Variants in PRKG1 observed in about 807,000 individuals in gnomAD.
The protein encoded by PRKG1 is cGMP-dependent protein kinase 1.
A neutral mutation model predicts 88.1 loss-of-function variants in PRKG1; 35 were observed. That is an observed-to-expected ratio of 0.40 (90% CI 0.30 to 0.53). The LOEUF (loss-of-function observed/expected upper bound fraction) is 0.53, where lower values mean the gene tolerates loss of function less well. Ranked by LOEUF, PRKG1 falls within the 20% of genes least tolerant of loss-of-function variation. The pLI, the probability that PRKG1 is intolerant of heterozygous loss-of-function variation, is 0.59. For missense variants in PRKG1, 540 were observed against 839.8 expected (o/e 0.64, Z 4.41); for synonymous variants, 303 against 292.5 (o/e 1.04, Z -0.37).
intron 2 of PRKG1, among the ~76,000 whole-genome samples, chr10:51,389,035 T>G (rs1006739105): frequency 2.0e-5 from 3 of 152,210 alleles, no homozygotes; most frequent in African/African-American, 7.2e-5. Context: ...AGGTAATGCT[T>G]CAGGGATGCA....
intron 2 of PRKG1, among the ~76,000 whole-genome samples, chr10:51,195,107 G>A (rs938330004): frequency 6.6e-5 from 10 of 152,230 alleles, no homozygotes; most frequent in African/African-American, 2.4e-4. Context: ...AGCCTTCAGT[G>A]AAGCTTTAGA....
At chr10:51,257,450 T>A (rs943807097) in intron 2 of PRKG1, among the ~76,000 whole-genome samples, 2 of 152,188 alleles carry the variant, frequency 1.3e-5, no homozygotes, top group Non-Finnish European at 2.9e-5. Context: ...CAGAATACTT[T>A]GGGTTGGAAG....
In PRKG1 at chr10:51,153,168, A is replaced by G; in HGVS notation, c.316A>G (p.Lys106Glu). 2 of 1,611,258 alleles carry G rather than the reference A, an allele frequency of 1.2e-6. No individual in the cohort carries two copies. The highest frequency in any genetic ancestry group is 1.7e-6 in the Non-Finnish European group (2 of 1,178,222). Residue 106 changes from lysine to glutamate, a missense_variant, in exon 2 of 18, where the codon AAG becomes GAG. Lys to Glu is a moderately conservative substitution (Grantham distance 56). Around this residue, in one of 5 missense-constraint regions of PRKG1, gnomAD observed 400 missense variants for 562.7 expected, o/e 0.71. Coordinates refer to ENST00000373980, the MANE Select transcript of PRKG1 (RefSeq NM_006258.4). ...LPFYPKSPQS[K>E]DLIKEAILDN... ...ATCTTCCCTCTCTTGCCATAGGTCC[A>G]AGGATCTTATAAAGGAAGCTATCCT...
At chr10:52,280,592 CAG>C (rs2132447103) in intron 12 of PRKG1, among the ~76,000 whole-genome samples, 195 bp from the exon 13 acceptor site, 1 of 152,100 alleles carries the variant, frequency 6.6e-6, no homozygotes, top group East Asian at 1.9e-4. Flanking sequence ...TTCATAAAGA[CAG>C]AGAATTCCTT....
chr10:52,073,458 T>C (rs1410270585), intron 7 of PRKG1, among the ~76,000 whole-genome samples: 1 of 152,232 alleles, frequency 6.6e-6, no homozygotes, highest in African/African-American at 2.4e-5. Flanking sequence ...CGCAGTCTCA[T>C]GATCAGCTAC....
At chr10:51,845,759 C>CT (rs2132789615) in intron 4 of PRKG1, among the ~76,000 whole-genome samples, 1 of 152,024 alleles carries the variant, frequency 6.6e-6, no homozygotes, top group South Asian at 2.1e-4. Flanking sequence ...TGTAAACTAG[C>CT]TTTTTTTGGC....
chr10:52,144,082 A>G (rs1428387185), intron 8 of PRKG1, among the ~76,000 whole-genome samples: 1 of 152,162 alleles, frequency 6.6e-6, no homozygotes, highest in South Asian at 2.1e-4. Flanking sequence ...CATGAGAGCC[A>G]AGTTGTTAAG....
At chr10:51,028,510 A>AAAC (rs1843239162) in intron 1 of PRKG1, among the ~76,000 whole-genome samples, 1 of 152,106 alleles carries the variant, frequency 6.6e-6, no homozygotes, top group African/African-American at 2.4e-5. Context: ...TCAGATGGGG[A>AAAC]AACAACAACA....
chr10:51,609,309 C>A (rs1838844160), intron 3 of PRKG1, among the ~76,000 whole-genome samples: 2 of 152,240 alleles, frequency 1.3e-5, no homozygotes, highest in East Asian at 1.9e-4. Context: ...TTTATTAGAA[C>A]CCTGCAAACT....
intron 2 of PRKG1, among the ~76,000 whole-genome samples, chr10:51,163,096 C>T (rs973814909): frequency 5.3e-5 from 8 of 150,446 alleles, no homozygotes; most frequent in African/African-American, 2.0e-4. Context: ...ATTCGCGAGG[C>T]GGAGGCTGGG....
At chr10:51,953,858 G>A (rs1843242069) in intron 5 of PRKG1, among the ~76,000 whole-genome samples, 1 of 151,834 alleles carries the variant, frequency 6.6e-6, no homozygotes, top group South Asian at 2.1e-4. Flanking sequence ...ATTACTACAG[G>A]CTTTCTTGGT....
chr10:51,567,906 G>T (rs906268706), intron 3 of PRKG1, among the ~76,000 whole-genome samples: 9 of 152,134 alleles, frequency 5.9e-5, no homozygotes, highest in Non-Finnish European at 1.2e-4. Context: ...TTCATTTGAA[G>T]TTTTGTCAGA....
intron 3 of PRKG1, among the ~76,000 whole-genome samples, chr10:51,488,424 T>C (rs904086913): frequency 9.2e-5 from 14 of 152,160 alleles, no homozygotes; most frequent in Admixed American, 8.5e-4. Flanking sequence ...GTTCTTAGCA[T>C]TGGAAGTGTG....
intron 5 of PRKG1, among the ~76,000 whole-genome samples, chr10:51,937,902 G>A (rs77793972): frequency 0.015 from 2,312 of 152,104 alleles, 52 homozygotes; most frequent in African/African-American, 0.051. Context: ...TGTGATGAAA[G>A]CCTGAGCCCA....
intron 3 of PRKG1, among the ~76,000 whole-genome samples, chr10:51,763,442 G>A (rs1173971741): frequency 6.6e-6 from 1 of 151,816 alleles, no homozygotes; most frequent in African/African-American, 2.4e-5. Context: ...AATTTTTATA[G>A]AGGTCTTGCT....
At chr10:51,450,449 A>G (rs1030614981) in intron 2 of PRKG1, among the ~76,000 whole-genome samples, 1 of 151,982 alleles carries the variant, frequency 6.6e-6, no homozygotes, top group Non-Finnish European at 1.5e-5. Context: ...GGCAAACCGT[A>G]CGGCCAGGGA....
chr10:51,542,449 G>A (rs1159809183), intron 3 of PRKG1, among the ~76,000 whole-genome samples: 1 of 152,164 alleles, frequency 6.6e-6, no homozygotes, highest in Non-Finnish European at 1.5e-5. Flanking sequence ...CAGGTAATGA[G>A]TAGGAATGCT....
intron 2 of PRKG1, among the ~76,000 whole-genome samples, chr10:51,305,970 C>A (rs1841026109): frequency 6.6e-6 from 1 of 152,158 alleles, no homozygotes; most frequent in Non-Finnish European, 1.5e-5. Context: ...TTCTTGGAGG[C>A]AGTCCTGAGT....
intron 4 of PRKG1, among the ~76,000 whole-genome samples, chr10:51,873,871 C>T (rs188050431): frequency 6.6e-6 from 1 of 152,212 alleles, no homozygotes; most frequent in Admixed American, 6.5e-5. Flanking sequence ...AAATGTTTTC[C>T]GTAAGTATTG....
Sources: allele counts gnomAD v4.1 joint callset (sites outside exome capture counted in the v4.1 genomes callset), GRCh38; gene constraint gnomAD v4.1.1; regional missense constraint gnomAD v4.1.1; transcripts MANE v1.5; gene names NCBI Gene and HGNC (gene_info 2026-07-23, HGNC 2026-07-21).